B3GAT2: variants seen among roughly 807,000 people sequenced by gnomAD.
B3GAT2 encodes the protein galactosylgalactosylxylosylprotein 3-beta-glucuronosyltransferase 2.
Under a neutral mutation model 27.8 loss-of-function variants are expected in B3GAT2, and 26 were observed. The observed-to-expected ratio is 0.93, with a 90% CI of 0.68 to 1.30. The LOEUF (loss-of-function observed/expected upper bound fraction) is 1.30, where lower values mean the gene tolerates loss of function less well. B3GAT2 is among the 50% of genes most tolerant of loss of function. The pLI, the probability that B3GAT2 is intolerant of heterozygous loss-of-function variation, is 0.00. For synonymous variants in B3GAT2, 218 were observed against 195.1 expected (o/e 1.12, Z -0.98); for missense variants, 458 against 459.0 (o/e 1.00, Z 0.02).
chr6:70,953,312 G>C (rs1482608851), intron 1 of B3GAT2, among the ~76,000 whole-genome samples: 1 of 152,170 alleles, frequency 6.6e-6, no homozygotes, highest in Non-Finnish European at 1.5e-5. Flanking sequence ...ATTAATCTGA[G>C]AACGGGTGTA....
At chr6:70,931,312 C>A (rs945904619) in intron 1 of B3GAT2, among the ~76,000 whole-genome samples, 2 of 151,840 alleles carry the variant, frequency 1.3e-5, no homozygotes, top group African/African-American at 4.8e-5. Flanking sequence ...TGCACATGTA[C>A]CCTAGAACTT....
chr6:70,903,955 C>T (rs1020891293), intron 1 of B3GAT2, among the ~76,000 whole-genome samples: 8 of 152,202 alleles, frequency 5.3e-5, no homozygotes, highest in Non-Finnish European at 7.4e-5. Flanking sequence ...CAGTTTCACT[C>T]ATAATATCCA....
At chr6:70,921,055 A>AT (rs1772860325) in intron 1 of B3GAT2, among the ~76,000 whole-genome samples, 4 of 152,046 alleles carry the variant, frequency 2.6e-5, no homozygotes, top group African/African-American at 9.6e-5. Context: ...CTGCCTTAGT[A>AT]TTTTTTCTTT....
At chr6:70,940,680 C>A (rs1301424296) in intron 1 of B3GAT2, among the ~76,000 whole-genome samples, 3 of 152,100 alleles carry the variant, frequency 2.0e-5, no homozygotes, top group Non-Finnish European at 4.4e-5. Context: ...GTAATCCCAG[C>A]ACTTTGGGAA....
At chr6:70,907,103 T>C (rs781066538) in intron 1 of B3GAT2, among the ~76,000 whole-genome samples, 2 of 152,168 alleles carry the variant, frequency 1.3e-5, no homozygotes, top group Non-Finnish European at 2.9e-5. Context: ...TTCTCTTCCT[T>C]ATTGGCTAAG....
Position 70,956,256 on chromosome 6 carries a change from G to A in B3GAT2, c.174C>T (p.Gly58=), listed in dbSNP as rs745627538. The A allele has an allele frequency of 4.2e-5, 67 of 1,610,860 alleles. No homozygotes were observed. The East Asian group carries it at 1.5e-3, about 36-fold the overall frequency. The change falls in exon 1 of 4, where the codon GGC becomes GGT. Residue 58 remains glycine, a synonymous_variant. Coordinates refer to ENST00000230053, the MANE Select transcript of B3GAT2 (RefSeq NM_080742.3). The stretch of plus-strand genomic sequence containing the variant: ...TGCGCTTTTGGGTCCCGTGAGCCGG[G>A]CCGCCCCTGCGGAGCGGGAGTCGGG... ...GGARLPLRRG[G]PAHGTQKRNQ...
chr6:70,909,897 G>A (rs1381548886), intron 1 of B3GAT2, among the ~76,000 whole-genome samples: 3 of 151,826 alleles, frequency 2.0e-5, no homozygotes, highest in South Asian at 2.1e-4. Flanking sequence ...TTTTTGAGAC[G>A]GAGTCTTGCT....
chr6:70,935,027 C>T (rs959384531), intron 1 of B3GAT2, among the ~76,000 whole-genome samples: 8 of 152,028 alleles, frequency 5.3e-5, no homozygotes, highest in South Asian at 2.1e-4. Flanking sequence ...ACTTTAAATT[C>T]TATCTATATT....
intron 1 of B3GAT2, among the ~76,000 whole-genome samples, chr6:70,910,513 T>G (rs902580512): frequency 2.6e-5 from 4 of 152,232 alleles, no homozygotes; most frequent in African/African-American, 9.6e-5. Context: ...CTTATTCTTT[T>G]TTTATGGTTA....
chr6:70,907,792 C>A (rs1490291729), intron 1 of B3GAT2, among the ~76,000 whole-genome samples: 1 of 152,318 alleles, frequency 6.6e-6, no homozygotes, highest in East Asian at 1.9e-4. Context: ...GAGTCACCAA[C>A]CCCTGGCAAA....
chr6:70,955,800 C>T, intron 1 of B3GAT2, 39 bp downstream of exon 1: 1 of 1,521,374 alleles, frequency 6.6e-7, no homozygotes, highest in Non-Finnish European at 8.8e-7. Context: ...GAGGCCCACT[C>T]CCGCCCTCGC....
Position 70,956,941 on chromosome 6 carries a change from G to A in B3GAT2, c.-512C>T. The A allele has an allele frequency of 2.0e-6, 2 of 1,015,024 alleles. No homozygotes were observed. The highest frequency in any genetic ancestry group is 2.4e-6 in the Non-Finnish European group (2 of 849,792). The allele number at this position is 1,015,024 out of a possible 1,614,324, so 62.9% of individuals were successfully genotyped here. A position where few individuals can be genotyped will look rare whatever the true frequency, so the allele number is the denominator to read the frequency against. The stretch of plus-strand genomic sequence containing the variant: ...TTTCCTTCCTCACATTCCCGCCGGG[G>A]TGGCGAGGAGCGGGTGGAGACGCTG... On this transcript the variant is annotated 5_prime_UTR_variant, in exon 1 of 4. Transcript: ENST00000230053.
chr6:70,939,540 A>G (rs2150048870), intron 1 of B3GAT2, among the ~76,000 whole-genome samples: 1 of 151,796 alleles, frequency 6.6e-6, no homozygotes, highest in South Asian at 2.1e-4. Context: ...AATGTGGCAT[A>G]TATACACCAT....
At chr6:70,935,717 C>T (rs1765261900) in intron 1 of B3GAT2, among the ~76,000 whole-genome samples, 1 of 152,074 alleles carries the variant, frequency 6.6e-6, no homozygotes, top group South Asian at 2.1e-4. Context: ...GAATTTGTCA[C>T]CACCAGGCCT....
intron 1 of B3GAT2, among the ~76,000 whole-genome samples, chr6:70,916,390 T>G (rs1772774721): frequency 6.6e-6 from 1 of 152,232 alleles, no homozygotes; most frequent in South Asian, 2.1e-4. Flanking sequence ...TACCATTTAT[T>G]TATTTCTCTT....
rs1440941773 is a variant in B3GAT2, at chr6:70,860,141, GA to G, written c.*1521del. The G allele has an allele frequency of 1.3e-6, 2 of 1,507,670 alleles. No homozygotes were observed. The highest frequency in any genetic ancestry group is 1.8e-6 in the Non-Finnish European group (2 of 1,127,674). 93.4% of individuals were successfully genotyped at this position (1,507,670 alleles called of 1,614,324 possible). A position where few individuals can be genotyped will look rare whatever the true frequency, so the allele number is the denominator to read the frequency against. On this transcript the variant is annotated 3_prime_UTR_variant, in exon 4 of 4. Transcript: ENST00000230053. ...AAAAATGACCAACTGTGTGGCTAAA[GA>G]AACAAGAATTAAAAGTGAAGTAAGC...
chr6:70,951,554 C>T (rs1309088971), intron 1 of B3GAT2, among the ~76,000 whole-genome samples: 1 of 152,104 alleles, frequency 6.6e-6, no homozygotes, highest in East Asian at 1.9e-4. Flanking sequence ...TGGAAAAAGA[C>T]AATAGGAAGA....
intron 1 of B3GAT2, among the ~76,000 whole-genome samples, chr6:70,943,461 C>A (rs1246471274): frequency 6.6e-6 from 1 of 152,164 alleles, no homozygotes; most frequent in Non-Finnish European, 1.5e-5. Context: ...AATAATAAAC[C>A]CCTGAGCCTG....
Position 70,956,150 on chromosome 6 carries a change from G to A in B3GAT2, c.280C>T (p.Gln94Ter), listed in dbSNP as rs757565890. The A allele has an allele frequency of 2.5e-6, 4 of 1,606,848 alleles. No homozygotes were observed. The highest frequency in any genetic ancestry group is 2.2e-5 in the South Asian group (2 of 90,016). Residue 94 changes from glutamine (Q) to a stop codon, truncating the protein, a stop_gained, in exon 1 of 4, where the codon CAG becomes TAG. Transcript: ENST00000230053. LOFTEE classifies it high-confidence loss of function. Reference sequence around the variant, plus strand: ...GCCAGGCGGGTCAGCTCCGCTTTCTGCACCGGGCGGCTGTAGGTGGGCGTG... The same window carrying A: ...GCCAGGCGGGTCAGCTCCGCTTTCTACACCGGGCGGCTGTAGGTGGGCGTG... ...AITPTYSRPV[Q>*]KAELTRLANT...
Sources: gnomAD v4.1 joint callset for allele counts (sites outside exome capture counted in the v4.1 genomes callset) on GRCh38, gnomAD v4.1.1 for gene constraint, MANE v1.5 for transcripts, NCBI Gene and HGNC (gene_info 2026-07-23, HGNC 2026-07-21) for gene names.